GOLGA5: variants seen among roughly 807,000 people sequenced by gnomAD.
The protein encoded by GOLGA5 is golgin A5.
In GOLGA5, 50 loss-of-function variants were observed where a neutral mutation model predicts 93.5. The observed-to-expected ratio is 0.53, with a 90% CI of 0.43 to 0.68. GOLGA5 has a LOEUF of 0.68. Ranked by LOEUF, GOLGA5 falls within the 30% of genes least tolerant of loss-of-function variation. GOLGA5 has a pLI of 0.00. For synonymous variants in GOLGA5, 312 were observed against 304.5 expected (o/e 1.02, Z -0.26); for missense variants, 760 against 856.4 (o/e 0.89, Z 1.40).
At chr14:92,794,800 GA>G in intron 1 of GOLGA5, among the ~76,000 whole-genome samples, 1 of 152,130 alleles carries the variant, frequency 6.6e-6, no homozygotes, top group East Asian at 1.9e-4. Context: ...GGGCCTGACC[GA>G]CTGACCTCCA....
chr14:92,822,322 G>A (rs1187119470), intron 8 of GOLGA5, among the ~76,000 whole-genome samples: 2 of 152,160 alleles, frequency 1.3e-5, no homozygotes, highest in Non-Finnish European at 2.9e-5. Context: ...GACAGCTCCC[G>A]AACTGCTGCT....
rs775228581 is a variant in GOLGA5, at chr14:92,810,293, T to C, written c.1032T>C (p.Asn344=). The change falls in exon 5 of 13, where the codon AAT becomes AAC. Residue 344 remains asparagine (N), a synonymous_variant. Coordinates refer to ENST00000163416, the MANE Select transcript of GOLGA5 (RefSeq NM_005113.4). ...QDQSEGNSLQ[N]QALQTFQERL... The stretch of plus-strand genomic sequence containing the variant: ...AAAGTGAAGGTAACAGCCTGCAGAA[T>C]CAAGCTCTGCAGACTTTTCAGGAGA... 1.1e-5 allele frequency: 18 copies of C among 1,596,692 alleles called. No homozygotes were observed. In the East Asian group the frequency reaches 4.0e-4, roughly 36 times the overall value.
At chr14:92,823,027 G>C (rs952121673) in intron 8 of GOLGA5, among the ~76,000 whole-genome samples, 1 of 152,088 alleles carries the variant, frequency 6.6e-6, no homozygotes, top group Non-Finnish European at 1.5e-5. Flanking sequence ...TTCAGTCACC[G>C]TGTTCCTCTT....
At chr14:92,813,465 T>C (rs1428766834) in intron 6 of GOLGA5, among the ~76,000 whole-genome samples, 1 of 152,106 alleles carries the variant, frequency 6.6e-6, no homozygotes, top group Admixed American at 6.5e-5. Flanking sequence ...ACTTGAAAGA[T>C]GAATAGGAAG....
chr14:92,826,579 T>C (rs1885426346), intron 9 of GOLGA5, among the ~76,000 whole-genome samples: 1 of 151,322 alleles, frequency 6.6e-6, no homozygotes. Context: ...AGACCTGTAA[T>C]ACCAGCTACT....
intron 12 of GOLGA5, among the ~76,000 whole-genome samples, chr14:92,838,477 C>G (rs113845810): frequency 6.6e-6 from 1 of 152,088 alleles, no homozygotes; most frequent in African/African-American, 2.4e-5. Flanking sequence ...AAGCGATTCT[C>G]CTGCCTCAGC....
chr14:92,814,192 G>A (rs960102169), intron 6 of GOLGA5, among the ~76,000 whole-genome samples: 3 of 152,052 alleles, frequency 2.0e-5, no homozygotes, highest in African/African-American at 7.2e-5. Context: ...CGGGGAGAAA[G>A]GCTGAGGTCT....
chr14:92,812,454 C>G (rs1885122538), intron 6 of GOLGA5, among the ~76,000 whole-genome samples: 1 of 152,200 alleles, frequency 6.6e-6, no homozygotes, highest in African/African-American at 2.4e-5. Context: ...GAAAAACAGT[C>G]TCTTTTAGCT....
At chr14:92,835,959 A>AATTTTTCTAT (rs1885633467) in intron 11 of GOLGA5, among the ~76,000 whole-genome samples, 1 of 152,120 alleles carries the variant, frequency 6.6e-6, no homozygotes, top group Non-Finnish European at 1.5e-5. Flanking sequence ...TTTCTATAAT[A>AATTTTTCTAT]AATTCTATTT....
At chr14:92,833,917 G>T (rs1160648951) in intron 10 of GOLGA5, among the ~76,000 whole-genome samples, 1 of 151,236 alleles carries the variant, frequency 6.6e-6, no homozygotes. Flanking sequence ...TTTAAGAGAC[G>T]CTGGGTGCCA....
At chr14:92,808,167 G>A (rs1193416995) in intron 3 of GOLGA5, among the ~76,000 whole-genome samples, 4 of 152,100 alleles carry the variant, frequency 2.6e-5, no homozygotes, top group Non-Finnish European at 2.9e-5. Context: ...CCAGACCCAG[G>A]ACCCAGGAGG....
rs149593701 is a variant in GOLGA5, at chr14:92,797,455, T to G, written c.18T>G (p.Asp6Glu). The change falls in exon 2 of 13, where the codon GAT (aspartate) becomes GAG (glutamate). Residue 6 changes from aspartate (D) to glutamate (E), a missense_variant. Physicochemically the swap from Asp to Glu is conservative, Grantham distance 45. Coordinates refer to ENST00000163416, the MANE Select transcript of GOLGA5 (RefSeq NM_005113.4). ...CTGCCATCATGTCTTGGTTTGTTGATCTTGCTGGAAAGGCAGAAGATCTTT... is the reference window on the plus strand; with the variant it reads ...CTGCCATCATGTCTTGGTTTGTTGAGCTTGCTGGAAAGGCAGAAGATCTTT... MSWFV[D>E]LAGKAEDLLN... The G allele has an allele frequency of 6.2e-6, 10 of 1,607,292 alleles. No homozygotes were observed. The highest frequency in any genetic ancestry group is 8.5e-6 in the Non-Finnish European group (10 of 1,177,554).
chr14:92,799,288 C>T (rs4904988), intron 2 of GOLGA5, among the ~76,000 whole-genome samples: 109,098 of 136,332 alleles, frequency 0.8, 43,475 homozygotes, highest in African/African-American at 0.9. Context: ...TTTTTTTTTT[C>T]TTTTTTGAGA....
chr14:92,800,510 T>G (rs1472904086), intron 2 of GOLGA5, among the ~76,000 whole-genome samples: 1 of 152,274 alleles, frequency 6.6e-6, no homozygotes, highest in Non-Finnish European at 1.5e-5. Flanking sequence ...GACCTGTTTG[T>G]GAAGGCCCTT....
Position 92,799,833 on chromosome 14 carries a change from C to T in GOLGA5, c.544+1852C>T, listed in dbSNP as rs571310293. Among the ~76,000 whole-genome samples, 7 of 149,760 alleles carry T rather than the reference C, an allele frequency of 4.7e-5. 1 individual carries two copies. Among genetic ancestry groups the T allele is most frequent in the South Asian group, 4.3e-4 (2 of 4,676 alleles). On this transcript the variant is annotated intron_variant, in intron 2 of 12. Transcript: ENST00000163416. ...CGTTGGCCAGGCTGGTCTTGAACTC[C>T]GGACCTCAAGTCATCTGCCCACCTT... is the stretch of plus-strand genomic sequence containing the variant.
intron 11 of GOLGA5, among the ~76,000 whole-genome samples, chr14:92,836,529 G>GC (rs2140338809): frequency 6.6e-6 from 1 of 152,252 alleles, no homozygotes; most frequent in African/African-American, 2.4e-5. Context: ...TATTGCTTCT[G>GC]CATGTATCTG....
chr14:92,799,709 C>T (rs139907107), intron 2 of GOLGA5, among the ~76,000 whole-genome samples: 52 of 152,224 alleles, frequency 3.4e-4, no homozygotes, highest in African/African-American at 1.2e-3. Flanking sequence ...TGGGTTCAAG[C>T]GATTCTCCAT....
chr14:92,811,555 A>C lies in GOLGA5; in HGVS notation c.1121A>C (p.Glu374Ala). The change falls in exon 6 of 13, where the codon GAG becomes GCG. Residue 374 changes from glutamate to alanine, a missense_variant. Physicochemically the swap from Glu to Ala is moderately radical, Grantham distance 107 (BLOSUM62 -1). Coordinates refer to ENST00000163416, the MANE Select transcript of GOLGA5 (RefSeq NM_005113.4). ...TGATATAAAAATTTGTCACAGAGCG[A>C]GTTTGCTGCACGCCTTAATAAAGTG... ...EQESYKQMQS[E>A]FAARLNKVEM... is the part of the protein sequence containing the mutation. The C allele has an allele frequency of 6.2e-7, 1 of 1,603,336 alleles. No homozygotes were observed. Among genetic ancestry groups the C allele is most frequent in the Non-Finnish European group, 8.5e-7 (1 of 1,170,272 alleles).
chr14:92,809,248 A>G, intron 3 of GOLGA5, 52 bp from the exon 4 acceptor site: 1 of 1,264,942 alleles, frequency 7.9e-7, no homozygotes, highest in South Asian at 1.2e-5. Context: ...ACGTGCTCTG[A>G]GAAAAATGTG....
Sources: allele counts gnomAD v4.1 joint callset (sites outside exome capture counted in the v4.1 genomes callset), GRCh38; gene constraint gnomAD v4.1.1; transcripts MANE v1.5; gene names NCBI Gene and HGNC (gene_info 2026-07-23, HGNC 2026-07-21).